Variants in OLR1 observed in about 807,000 individuals in gnomAD.
OLR1 encodes oxidized low-density lipoprotein receptor 1.
In OLR1, 23 loss-of-function variants were observed where a neutral mutation model predicts 31.7. That is an observed-to-expected ratio of 0.72 (90% CI 0.52 to 1.03). The LOEUF (loss-of-function observed/expected upper bound fraction) is 1.03. OLR1 is among the 50% of genes least tolerant of loss of function. The pLI is 0.00. For synonymous variants in OLR1, 117 were observed against 115.8 expected, an observed-to-expected ratio of 1.01 and a Z score of -0.07; for missense variants, 286 against 315.7, an observed-to-expected ratio of 0.91 and a Z score of 0.71.
At chr12:10,175,992 C>T (rs1415082304), upstream of OLR1, among the ~76,000 whole-genome samples, 4 of 152,236 alleles carry the variant, frequency 2.6e-5, no homozygotes, top group Admixed American at 2.0e-4. Context: ...ACTCTATGTA[C>T]ATGCACCCTC....
Position 10,159,760 on chromosome 12 carries a change from T to A in OLR1, c.*120A>T. On this transcript the variant is annotated 3_prime_UTR_variant, in exon 6 of 6. Coordinates refer to ENST00000309539, the MANE Select transcript of OLR1 (RefSeq NM_002543.4). Reference sequence around the variant, plus strand: ...AACCCCAGTTTCTGCAAAGGAGTTCTGCAGCCAGCTAAATGACAGTTTTCT... The same window carrying A: ...AACCCCAGTTTCTGCAAAGGAGTTCAGCAGCCAGCTAAATGACAGTTTTCT... The A allele has an allele frequency of 1.0e-6, 1 of 995,700 alleles. No homozygotes were observed. Among genetic ancestry groups the A allele is most frequent in the Non-Finnish European group, 1.4e-6 (1 of 701,600 alleles). 61.7% of individuals were successfully genotyped at this position (995,700 alleles called of 1,614,324 possible).
chr12:10,171,095 A>G (rs1030543132), intron 1 of OLR1, among the ~76,000 whole-genome samples: 11 of 152,322 alleles, frequency 7.2e-5, no homozygotes, highest in Admixed American at 5.9e-4. Flanking sequence ...ACTATTGTTC[A>G]CTTCTGGTTT....
intron 3 of OLR1, among the ~76,000 whole-genome samples, chr12:10,161,130 G>T (rs778112459): frequency 6.6e-6 from 1 of 152,056 alleles, no homozygotes; most frequent in Admixed American, 6.5e-5. Context: ...GTGAGACACC[G>T]CGCCCTGCCC....
rs939291695 is a variant in OLR1, at chr12:10,160,567, T to C, written c.565-105A>G. On this transcript the variant is annotated intron_variant, in intron 4 of 5. Coordinates refer to ENST00000309539, the MANE Select transcript of OLR1 (RefSeq NM_002543.4). ...CAAAACTAAAGAACCAAAAGGTATC[T>C]TTGACATCCCCTTGACTGTTTTACG... 2.9e-6 allele frequency: 3 copies of C among 1,022,150 alleles called. No individual in the cohort carries two copies. The African/African-American group carries it at 4.8e-5, about 16-fold the overall frequency. 63.3% of individuals were successfully genotyped at this position (1,022,150 alleles called of 1,614,324 possible). A position where few individuals can be genotyped will look rare whatever the true frequency, so the allele number is the denominator to read the frequency against.
At chr12:10,166,417 A>G (rs1288935239) in intron 3 of OLR1, among the ~76,000 whole-genome samples, 1 of 150,882 alleles carries the variant, frequency 6.6e-6, no homozygotes, top group Non-Finnish European at 1.5e-5. Flanking sequence ...AGTCCCAACG[A>G]CTTGGGAGGC....
Position 10,159,775 on chromosome 12 carries a change from G to T in OLR1, c.*105C>A. 8.6e-7 allele frequency: 1 copy of T among 1,168,596 alleles called. No individual in the cohort carries two copies. Among genetic ancestry groups the T allele is most frequent in the Admixed American group, 2.4e-5 (1 of 42,022 alleles). The allele number at this position is 1,168,596 out of a possible 1,614,324, so 72.4% of individuals were successfully genotyped here. A position where few individuals can be genotyped will look rare whatever the true frequency, so the allele number is the denominator to read the frequency against. On this transcript the variant is annotated 3_prime_UTR_variant, in exon 6 of 6. Transcript: ENST00000309539. The stretch of plus-strand genomic sequence containing the variant: ...AAAGGAGTTCTGCAGCCAGCTAAAT[G>T]ACAGTTTTCTGGGCTCTCATGTTTG...
At chr12:10,163,552 A>T (rs1948636567) in intron 3 of OLR1, among the ~76,000 whole-genome samples, 1 of 149,580 alleles carries the variant, frequency 6.7e-6, no homozygotes, top group African/African-American at 2.5e-5. Context: ...AGTAAAAAAG[A>T]TAAAACTTGC....
chr12:10,159,880 T>C lies in OLR1; in HGVS notation c.822A>G (p.Ter274TrpextTer2), dbSNP rs1340184018. The C allele has an allele frequency of 3.1e-6, 5 of 1,604,926 alleles. No homozygotes were observed. Among genetic ancestry groups the C allele is most frequent in the Non-Finnish European group, 4.3e-6 (5 of 1,175,618 alleles). The change falls in exon 6 of 6, where the codon TGA becomes TGG. Residue 274 changes from the stop codon to tryptophan (W), a stop_lost. Coordinates refer to ENST00000309539, the MANE Select transcript of OLR1 (RefSeq NM_002543.4). ...TTCTTTTCTTCCAGAGCCTTCAAAT[T>C]CACTGTGCTCTTAGGTTTGCCTTCT... is the stretch of plus-strand genomic sequence containing the variant. ...CQKKANLRAQ[*>W]
Position 10,169,101 on chromosome 12 carries a change from C to T in OLR1, c.151G>A (p.Val51Met), listed in dbSNP as rs1258526911. 6.2e-7 allele frequency: 1 copy of T among 1,613,868 alleles called. No individual in the cohort carries two copies. The highest frequency in any genetic ancestry group is 8.5e-7 in the Non-Finnish European group (1 of 1,179,914). Reference sequence around the variant, plus strand: ...TGCATGCCCAGCACCATAATGGTCACTACTAATCCCAGGCAAAGGACCCCT... The same window carrying T: ...TGCATGCCCAGCACCATAATGGTCATTACTAATCCCAGGCAAAGGACCCCT... ...TLGVLCLGLV[V>M]TIMVLGMQLS... Residue 51 changes from valine to methionine, a missense_variant, in exon 2 of 6, where the codon GTG becomes ATG. Coordinates refer to ENST00000309539, the MANE Select transcript of OLR1 (RefSeq NM_002543.4).
At chr12:10,161,945 A>ATATATATATAT (rs1555087097) in intron 3 of OLR1, among the ~76,000 whole-genome samples, 8 of 79,550 alleles carry the variant, frequency 1.0e-4, no homozygotes, top group African/African-American at 2.9e-4. Context: ...ATATATATAT[A>ATATATATATAT]AAAAACACAT....
intron 1 of OLR1, among the ~76,000 whole-genome samples, chr12:10,171,327 T>C (rs1948714758): frequency 6.6e-6 from 1 of 152,202 alleles, no homozygotes; most frequent in Non-Finnish European, 1.5e-5. Context: ...TAAAAGGCAA[T>C]TTACCCAGAT....
chr12:10,165,392 T>TG (rs1287717462), intron 3 of OLR1, among the ~76,000 whole-genome samples: 93 of 152,300 alleles, frequency 6.1e-4, no homozygotes, highest in Non-Finnish European at 8.8e-5. Context: ...ATCAGGCCAC[T>TG]GCATTCCAGC....
intron 3 of OLR1, among the ~76,000 whole-genome samples, chr12:10,165,472 T>G (rs1241590288): frequency 1.3e-5 from 2 of 151,824 alleles, no homozygotes; most frequent in Non-Finnish European, 2.9e-5. Flanking sequence ...TAGTACACTT[T>G]AAGAAATAAT....
chr12:10,160,338 G>GAA lies in OLR1; in HGVS notation c.680+7_680+8dup. On this transcript the variant is annotated intron_variant, in intron 5 of 5. Transcript: ENST00000309539. The stretch of plus-strand genomic sequence containing the variant: ...ACGAGAGAGGCATCAAAAAGAATGG[G>GAA]AAACTTACAAGTGGGGCATCAAAGG... 1 of 1,605,428 alleles carries GAA rather than the reference G, an allele frequency of 6.2e-7. No homozygotes were observed. Among genetic ancestry groups the GAA allele is most frequent in the Non-Finnish European group, 8.5e-7 (1 of 1,173,670 alleles).
At chr12:10,173,159 G>T (rs1439287426), upstream of OLR1, among the ~76,000 whole-genome samples, 8 of 152,144 alleles carry the variant, frequency 5.3e-5, no homozygotes, top group Non-Finnish European at 1.2e-4. Flanking sequence ...CCATAAGTAT[G>T]TCTATATGTA....
At chr12:10,163,148 G>A (rs1948633955) in intron 3 of OLR1, among the ~76,000 whole-genome samples, 1 of 152,202 alleles carries the variant, frequency 6.6e-6, no homozygotes, top group African/African-American at 2.4e-5. Context: ...AATCCTCACA[G>A]TATCTCTGTG....
chr12:10,169,807 A>T (rs887896301), intron 1 of OLR1, among the ~76,000 whole-genome samples: 1 of 152,188 alleles, frequency 6.6e-6, no homozygotes, highest in Non-Finnish European at 1.5e-5. Flanking sequence ...TATTAACAGC[A>T]TATCCTACAC....
At chr12:10,160,278 C>G (rs1948608944) in intron 5 of OLR1, 69 bp downstream of exon 5, 12 of 1,260,790 alleles carry the variant, frequency 9.5e-6, no homozygotes, top group Non-Finnish European at 1.4e-5. Context: ...CAGGCAGTGA[C>G]CTCACTAGCA....
chr12:10,169,176 C>T lies in OLR1; in HGVS notation c.77-1G>A. The T allele has an allele frequency of 6.2e-7, 1 of 1,603,722 alleles. No homozygotes were observed. The highest frequency in any genetic ancestry group is 8.5e-7 in the Non-Finnish European group (1 of 1,175,284). On this transcript the variant is annotated splice_acceptor_variant, in intron 1 of 5. Transcript: ENST00000309539. LOFTEE classifies it high-confidence loss of function. ...CATGGAGAGTAAAGAAACTGAAGAC[C>T]TAGAGTGACAGAGGATAGAATCAGA...
Sources: gnomAD v4.1 joint callset for allele counts (sites outside exome capture counted in the v4.1 genomes callset) on GRCh38, gnomAD v4.1.1 for gene constraint, MANE v1.5 for transcripts, NCBI Gene and HGNC (gene_info 2026-07-23, HGNC 2026-07-21) for gene names.